The following ZNF469 variants were observed in gnomAD, a reference collection of about 807,000 sequenced individuals.
ZNF469 encodes zinc finger protein 469.
Under a neutral mutation model 1.0 loss-of-function variants are expected in ZNF469, and 1 was observed. That is an observed-to-expected ratio of 1.00 (90% confidence interval 0.35 to 4.73). ZNF469 has a LOEUF of 4.73. Ranked by LOEUF, ZNF469 falls within the 30% of genes most tolerant of loss-of-function variation. The probability of loss-of-function intolerance (pLI) is 0.16; values close to 1 mark genes in which losing one functional copy is unlikely to be tolerated. For synonymous variants in ZNF469, 2,703 were observed against 2,363.4 expected, an observed-to-expected ratio of 1.14 and a Z score of -4.17; for missense variants, 6,100 against 5,356.3, an observed-to-expected ratio of 1.14 and a Z score of -4.33.
chr16:88,158,315 C>G, the ZNF469 span, among the ~76,000 whole-genome samples: 33 of 151,944 alleles, frequency 2.2e-4, no homozygotes, highest in African/African-American at 6.8e-4. Flanking sequence ...TGTGCTCTCG[C>G]TGCTAGAGAG....
In ZNF469 at chr16:88,439,638, C is replaced by G; in HGVS notation, c.*306C>G. The G allele has an allele frequency of 4.8e-6, 2 of 418,080 alleles. 1 individual carries two copies. Among genetic ancestry groups the G allele is most frequent in the South Asian group, 4.9e-5 (2 of 40,500 alleles). The allele number at this position is 418,080 out of a possible 1,614,324, so 25.9% of individuals were successfully genotyped here. On this transcript the variant is annotated 3_prime_UTR_variant, in exon 3 of 3. Coordinates refer to ENST00000565624, the MANE Select transcript of ZNF469 (RefSeq NM_001367624.2). ...GCAGCCCATCCCCTCAGCCCACACC[C>G]CTGCGCCCTGTGGGCACCGACACCA...
At chr16:88,189,995 C>G in the ZNF469 span, among the ~76,000 whole-genome samples, 1 of 152,172 alleles carries the variant, frequency 6.6e-6, no homozygotes, top group African/African-American at 2.4e-5. This position sits in a 1 kb window ranked among gnomAD's most constrained non-coding sequence, Gnocchi z 4.3. Flanking sequence ...TTTCAAGATC[C>G]TTATCACAAT....
the ZNF469 span, among the ~76,000 whole-genome samples, chr16:88,238,582 C>T: frequency 6.6e-6 from 1 of 152,236 alleles, no homozygotes; most frequent in African/African-American, 2.4e-5. Context: ...CAGGTCCTCT[C>T]TGGGTTGGAG....
the ZNF469 span, among the ~76,000 whole-genome samples, chr16:88,357,178 G>A: frequency 1.3e-5 from 2 of 152,226 alleles, no homozygotes; most frequent in South Asian, 4.1e-4. Flanking sequence ...CTTCTGGGAC[G>A]ATGACAGAGC....
the ZNF469 span, among the ~76,000 whole-genome samples, chr16:88,103,187 G>C: frequency 6.6e-6 from 1 of 151,700 alleles, no homozygotes; most frequent in Non-Finnish European, 1.5e-5. Flanking sequence ...AGATGGTGTC[G>C]GTGGCTTTTT....
the ZNF469 span, among the ~76,000 whole-genome samples, chr16:88,193,084 G>GTGA: frequency 1.9e-5 from 1 of 52,974 alleles, no homozygotes; most frequent in African/African-American, 6.8e-5. Context: ...GGTGGTGATG[G>GTGA]TGGTGGTGAT....
At chr16:88,124,733 C>T in the ZNF469 span, among the ~76,000 whole-genome samples, 1 of 152,040 alleles carries the variant, frequency 6.6e-6, no homozygotes, top group African/African-American at 2.4e-5. Context: ...TACAGGCATG[C>T]ACCACCACAC....
chr16:88,437,409 C>A lies in ZNF469; in HGVS notation c.9939C>A (p.Pro3313=). 6.5e-7 allele frequency: 1 copy of A among 1,526,976 alleles called. No individual in the cohort carries two copies. The highest frequency in any genetic ancestry group is 8.8e-7 in the Non-Finnish European group (1 of 1,135,008). The allele number at this position is 1,526,976 out of a possible 1,614,324, so 94.6% of individuals were successfully genotyped here. A position where few individuals can be genotyped will look rare whatever the true frequency, so the allele number is the denominator to read the frequency against. ...GPPRTTPSPS[P]DPWAGGEPLL... ...CCAGGACGACCCCCAGCCCGTCCCC[C>A]GACCCCTGGGCCGGCGGGGAGCCCC... The change falls in exon 3 of 3, where the codon CCC becomes CCA. Residue 3313 remains proline, a synonymous_variant. Coordinates refer to ENST00000565624, the MANE Select transcript of ZNF469 (RefSeq NM_001367624.2).
rs273585634 is a variant in ZNF469, at chr16:88,429,948, G to T, written c.2478G>T (p.Pro826=). 18 of 1,550,296 alleles carry T rather than the reference G, an allele frequency of 1.2e-5. No individual in the cohort carries two copies. The highest frequency in any genetic ancestry group is 2.0e-5 in the Admixed American group (1 of 51,012). The change falls in exon 3 of 3, where the codon CCG becomes CCT. Residue 826 remains proline (P), a synonymous_variant. Coordinates refer to ENST00000565624, the MANE Select transcript of ZNF469 (RefSeq NM_001367624.2). ...FLPSLAATPF[P]LPASDLDMED... ...CCAGCCTGGCCGCCACCCCCTTCCC[G>T]CTCCCTGCCTCGGACCTGGACATGG...
At chr16:88,196,593 C>T in the ZNF469 span, among the ~76,000 whole-genome samples, 1 of 152,172 alleles carries the variant, frequency 6.6e-6, no homozygotes, top group Non-Finnish European at 1.5e-5. Context: ...CAGGAGTGAC[C>T]ACCAAAAATA....
Position 88,431,069 on chromosome 16 carries a change from A to G in ZNF469, c.3599A>G (p.Lys1200Arg), listed in dbSNP as rs1315393675. 14 of 1,549,450 alleles carry G rather than the reference A, an allele frequency of 9.0e-6. No individual in the cohort carries two copies. In the South Asian group the frequency reaches 1.4e-4, roughly 16 times the overall value. The change falls in exon 3 of 3, where the codon AAG (lysine) becomes AGG (arginine). Residue 1200 changes from lysine to arginine, a missense_variant. Transcript: ENST00000565624. The stretch of plus-strand genomic sequence containing the variant: ...GCTGATCGCCCCTCAGTGGCCCCCA[A>G]GGATCCCCTGCAGGTCCCCACCAAC... ...KCADRPSVAP[K>R]DPLQVPTNTE...
In ZNF469 at chr16:88,417,791, C is replaced by G. The variant is rs528715553; in HGVS notation, c.-191-7016C>G. 9.2e-5 allele frequency among the ~76,000 whole-genome samples: 14 copies of G among 152,346 alleles called. No homozygotes were observed. The South Asian group carries it at 2.9e-3, about 32-fold the overall frequency. ...CCCAGTGCCGGGGAGCTCTCAGAGT[C>G]TCCTATAGAAATGAGGCCCCAAAGC... On this transcript the variant is annotated intron_variant, in intron 1 of 2. Coordinates refer to ENST00000565624, the MANE Select transcript of ZNF469 (RefSeq NM_001367624.2).
At chr16:88,227,227 G>C in the ZNF469 span, among the ~76,000 whole-genome samples, 2 of 152,324 alleles carry the variant, frequency 1.3e-5, no homozygotes, top group African/African-American at 2.4e-5. Context: ...ATACATAAGG[G>C]CGGGCACCTG....
the ZNF469 span, among the ~76,000 whole-genome samples, chr16:88,179,701 T>A: frequency 2.6e-5 from 4 of 152,244 alleles, no homozygotes; most frequent in African/African-American, 9.6e-5. Flanking sequence ...CTCTGGTCTC[T>A]GGAACTGCAT....
At chr16:88,188,476 T>A in the ZNF469 span, among the ~76,000 whole-genome samples, 1 of 152,198 alleles carries the variant, frequency 6.6e-6, no homozygotes, top group African/African-American at 2.4e-5. Context: ...TCTTACAGCA[T>A]GCAGGAAGGG....
chr16:88,186,409 G>A, the ZNF469 span, among the ~76,000 whole-genome samples: 1 of 152,224 alleles, frequency 6.6e-6, no homozygotes, highest in African/African-American at 2.4e-5. Flanking sequence ...TTTCCAGCAG[G>A]CCAGGCCGAC....
At chr16:88,115,842 G>T in the ZNF469 span, among the ~76,000 whole-genome samples, 1 of 152,176 alleles carries the variant, frequency 6.6e-6, no homozygotes, top group African/African-American at 2.4e-5. Context: ...CAGCTCCTGG[G>T]CACTCCAGGT....
At chr16:88,366,373 CCCATCATCACCTTCACCA>C in the ZNF469 span, among the ~76,000 whole-genome samples, 4 of 132,354 alleles carry the variant, frequency 3.0e-5, no homozygotes, top group Admixed American at 7.6e-5. Context: ...CACCATCAGC[CCCATCATCACCTTCACCA>C]CCATCATCAC....
chr16:88,365,131 A>G, the ZNF469 span, among the ~76,000 whole-genome samples: 1 of 152,220 alleles, frequency 6.6e-6, no homozygotes, highest in African/African-American at 2.4e-5. Context: ...GGGATCCATG[A>G]GTCGAGTCTC....
Sources: gnomAD v4.1 joint callset for allele counts (sites outside exome capture counted in the v4.1 genomes callset) on GRCh38, gnomAD v4.1.1 for gene constraint, Gnocchi (gnomAD v3.1) non-coding constraint, MANE v1.5 for transcripts, NCBI Gene and HGNC (gene_info 2026-07-23, HGNC 2026-07-21) for gene names.